The following CEP41 variants were observed in gnomAD, a reference collection of about 807,000 sequenced individuals.
CEP41 encodes centrosomal protein of 41 kDa.
A neutral mutation model predicts 44.3 loss-of-function variants in CEP41; 32 were observed. The ratio of observed to expected loss-of-function variants is 0.72; its 90% confidence interval spans 0.54 to 0.97. CEP41 has a LOEUF of 0.97. CEP41 is among the 50% of genes least tolerant of loss of function. The pLI, the probability that CEP41 is intolerant of heterozygous loss-of-function variation, is 0.00. For synonymous variants in CEP41, 151 were observed against 168.5 expected (o/e 0.90, Z 0.80); for missense variants, 432 against 455.2 (o/e 0.95, Z 0.46).
intron 2 of CEP41, chr7:130,420,897 T>C (rs1797487859): frequency 1.0e-6 from 1 of 964,336 alleles, no homozygotes; most frequent in African/African-American, 1.8e-5. Flanking sequence ...CCCAATTTGG[T>C]CTGAGTTTCT....
chr7:130,398,123 T>C lies in CEP41; in HGVS notation c.*768A>G, dbSNP rs1554415629. 12 of 454,028 alleles carry C rather than the reference T, an allele frequency of 2.6e-5. No homozygotes were observed. In the Admixed American group the frequency reaches 2.8e-4, roughly 11 times the overall value. The allele number at this position is 454,028 out of a possible 1,614,324, so 28.1% of individuals were successfully genotyped here. ...TGACCACAAGTGAGGGCCGCTTTGGTGGGCTTCAAGGGGCACAGGCCGGTG... is the reference window on the plus strand; with the variant it reads ...TGACCACAAGTGAGGGCCGCTTTGGCGGGCTTCAAGGGGCACAGGCCGGTG... On this transcript the variant is annotated 3_prime_UTR_variant, in exon 11 of 11. Coordinates refer to ENST00000223208, the MANE Select transcript of CEP41 (RefSeq NM_018718.3).
chr7:130,405,216 C>T (rs1465064744), intron 5 of CEP41, among the ~76,000 whole-genome samples: 2 of 152,114 alleles, frequency 1.3e-5, no homozygotes, highest in Non-Finnish European at 2.9e-5. Flanking sequence ...ACATACATCA[C>T]GTTTGCTACA....
At chr7:130,433,353 G>A (rs1554425523) in intron 1 of CEP41, among the ~76,000 whole-genome samples, 1 of 151,712 alleles carries the variant, frequency 6.6e-6, no homozygotes, top group Non-Finnish European at 1.5e-5. Context: ...GGAGAGATTT[G>A]AGGATGTATA....
chr7:130,436,730 G>A (rs1206010563), intron 1 of CEP41, among the ~76,000 whole-genome samples: 1 of 151,540 alleles, frequency 6.6e-6, no homozygotes, highest in African/African-American at 2.4e-5. Flanking sequence ...AAAAAACAGA[G>A]CTCTTAAAAA....
At position 130,398,601 on chromosome 7, in the gene CEP41, G is replaced by A. The variant is rs782562652; in HGVS notation, c.*290C>T. 3.6e-5 allele frequency: 21 copies of A among 575,830 alleles called. No homozygotes were observed. Among genetic ancestry groups the A allele is most frequent in the Non-Finnish European group, 5.6e-5 (17 of 306,276 alleles). 35.7% of individuals were successfully genotyped at this position (575,830 alleles called of 1,614,324 possible). A position where few individuals can be genotyped will look rare whatever the true frequency, so the allele number is the denominator to read the frequency against. On this transcript the variant is annotated 3_prime_UTR_variant, in exon 11 of 11. Transcript: ENST00000223208. The stretch of plus-strand genomic sequence containing the variant: ...AAAACAAAACAAAAAAACTAAAAAC[G>A]TAGATACTTTTTTCCTATACAGTTT...
At chr7:130,418,366 C>T (rs1191714968) in intron 2 of CEP41, among the ~76,000 whole-genome samples, 1 of 152,226 alleles carries the variant, frequency 6.6e-6, no homozygotes, top group Non-Finnish European at 1.5e-5. Context: ...GCAGAAGCCA[C>T]AATTTCTTCC....
chr7:130,401,892 T>C lies in CEP41; in HGVS notation c.631A>G (p.Ile211Val). Residue 211 changes from isoleucine (I) to valine (V), a missense_variant, in exon 8 of 11, where the codon ATT becomes GTT. Transcript: ENST00000223208. ...GCAACAAAGGATACATATTCAAGAA[T>C]ATCATTTGAATAAGGGTTCATTGTT... ...SRTMNPYSNDILEYKNAHGKI... is the reference protein window; with the variant it reads ...SRTMNPYSNDVLEYKNAHGKI... The C allele has an allele frequency of 6.3e-7, 1 of 1,597,786 alleles. No individual in the cohort carries two copies. Among genetic ancestry groups the C allele is most frequent in the Non-Finnish European group, 8.6e-7 (1 of 1,165,182 alleles).
intron 5 of CEP41, among the ~76,000 whole-genome samples, chr7:130,410,399 T>A (rs571306765): frequency 5.9e-4 from 90 of 152,178 alleles, no homozygotes; most frequent in African/African-American, 2.1e-3. Flanking sequence ...TCCCACAACA[T>A]CCTGCATCTT....
At chr7:130,401,835 T>C (rs782345248) in intron 8 of CEP41, 46 bp downstream of exon 8, 1 of 1,292,164 alleles carries the variant, frequency 7.7e-7, no homozygotes, top group South Asian at 1.2e-5. Context: ...CTTTGATTCT[T>C]ACAATCCTCA....
chr7:130,435,139 T>C (rs574140567), intron 1 of CEP41, among the ~76,000 whole-genome samples: 5 of 152,310 alleles, frequency 3.3e-5, no homozygotes, highest in South Asian at 2.1e-4. Flanking sequence ...AATAAAACTC[T>C]TATATTTCTC....
At chr7:130,413,283 G>A (rs1797238219) in intron 3 of CEP41, among the ~76,000 whole-genome samples, 3 of 152,120 alleles carry the variant, frequency 2.0e-5, no homozygotes, top group Non-Finnish European at 4.4e-5. Context: ...GAGCCAAAGC[G>A]TCCGGCCCCA....
Position 130,400,792 on chromosome 7 carries a change from C to G in CEP41, c.672G>C (p.Leu224=), listed in dbSNP as rs1796820389. The part of the protein sequence containing the change: ...YKNAHGKIII[L]YDDDERLASQ... ...TGGCCAGCCTTTCATCATCGTCATACAGAATGATGATCTTGCCATGGGCAT... is the reference window on the plus strand; with the variant it reads ...TGGCCAGCCTTTCATCATCGTCATAGAGAATGATGATCTTGCCATGGGCAT... The change falls in exon 9 of 11, where the codon CTG becomes CTC. Residue 224 remains leucine (L), a synonymous_variant. Coordinates refer to ENST00000223208, the MANE Select transcript of CEP41 (RefSeq NM_018718.3). The G allele has an allele frequency of 1.9e-6, 3 of 1,612,792 alleles. No individual in the cohort carries two copies. Among genetic ancestry groups the G allele is most frequent in the African/African-American group, 2.7e-5 (2 of 75,032 alleles).
upstream of CEP41, chr7:130,441,094 G>T: frequency 9.3e-7 from 1 of 1,079,468 alleles, no homozygotes; most frequent in Non-Finnish European, 1.4e-6. Context: ...GTCTTCCCCG[G>T]CCGGCCAATG....
At position 130,402,681 on chromosome 7, in the gene CEP41, T is replaced by C; in HGVS notation, c.541A>G (p.Arg181Gly). The stretch of plus-strand genomic sequence containing the variant: ...ATGTGGCACTGCTGGTAAGAATCTC[T>C]ATCACGCACATCTAGCAGCAGGAAG... ...CPFLLLDVRDRDSYQQCHIVG... is the reference protein window; with the variant it reads ...CPFLLLDVRDGDSYQQCHIVG... Residue 181 changes from arginine to glycine, a missense_variant, in exon 7 of 11, where the codon AGA becomes GGA. Arg to Gly is a moderately radical substitution (Grantham distance 125). Transcript: ENST00000223208. 6.2e-7 allele frequency: 1 copy of C among 1,613,840 alleles called. No individual in the cohort carries two copies. The highest frequency in any genetic ancestry group is 2.2e-5 in the East Asian group (1 of 44,870).
At chr7:130,410,935 G>T in intron 5 of CEP41, 187 bp downstream of exon 5, 1 of 652,148 alleles carries the variant, frequency 1.5e-6, no homozygotes. Context: ...CAGAAAACCA[G>T]ATGGCTTTTT....
rs1796639299 is a variant in CEP41, at chr7:130,395,767, T to G, written c.*3124A>C. 1 of 453,538 alleles carries G rather than the reference T, an allele frequency of 2.2e-6. No individual in the cohort carries two copies. The highest frequency in any genetic ancestry group is 4.4e-6 in the Non-Finnish European group (1 of 226,728). The allele number at this position is 453,538 out of a possible 1,614,324, so 28.1% of individuals were successfully genotyped here. ...CTTAAGAATTTTTGTATAATTTAAA[T>G]AGCACCACAGGAAAAATCCCTGAGC... On this transcript the variant is annotated 3_prime_UTR_variant, in exon 11 of 11. Coordinates refer to ENST00000223208, the MANE Select transcript of CEP41 (RefSeq NM_018718.3).
chr7:130,440,556 C>T (rs1798116850), intron 1 of CEP41: 1 of 438,026 alleles, frequency 2.3e-6, no homozygotes. Flanking sequence ...TGTATCCCCA[C>T]AATCAGAGAT....
chr7:130,401,967 GT>G lies in CEP41; in HGVS notation c.575-20del. The G allele has an allele frequency of 6.4e-7, 1 of 1,568,924 alleles. No individual in the cohort carries two copies. The highest frequency in any genetic ancestry group is 8.8e-7 in the Non-Finnish European group (1 of 1,138,962). Reference sequence around the variant, plus strand: ...CTGTAAGCTGCAAAGAGAAGAAAAAGTTTAGGAAGTCTGTTGTTCTCTTAAT... The same window carrying G: ...CTGTAAGCTGCAAAGAGAAGAAAAAGTTAGGAAGTCTGTTGTTCTCTTAAT... On this transcript the variant is annotated intron_variant, in intron 7 of 10. Transcript: ENST00000223208.
Position 130,393,826 on chromosome 7 carries a change from CT to C in CEP41, c.*5064del, listed in dbSNP as rs199581382. ...CTAGACCTATCAGGAAAACAGCCTA[CT>C]TTTTTCCCCCTACAATATAATTAAA... On this transcript the variant is annotated 3_prime_UTR_variant, in exon 11 of 11. Coordinates refer to ENST00000223208, the MANE Select transcript of CEP41 (RefSeq NM_018718.3). The C allele has an allele frequency of 8.8e-6, 4 of 453,962 alleles. No homozygotes were observed. The highest frequency in any genetic ancestry group is 2.4e-5 in the Admixed American group (1 of 42,550). The allele number at this position is 453,962 out of a possible 1,614,324, so 28.1% of individuals were successfully genotyped here.
Sources: gnomAD v4.1 joint callset for allele counts (sites outside exome capture counted in the v4.1 genomes callset) on GRCh38, gnomAD v4.1.1 for gene constraint, MANE v1.5 for transcripts, NCBI Gene and HGNC (gene_info 2026-07-23, HGNC 2026-07-21) for gene names.